The following WDR20 variants were observed in gnomAD, a reference collection of about 807,000 sequenced individuals.
WDR20 encodes WD repeat-containing protein 20.
A neutral mutation model predicts 38.7 loss-of-function variants in WDR20; 3 were observed. The ratio of observed to expected loss-of-function variants is 0.08; its 90% CI spans 0.04 to 0.20. The LOEUF is 0.20. Ranked by LOEUF, WDR20 falls within the 10% of genes least tolerant of loss-of-function variation. WDR20 has a pLI of 1.00. For missense variants in WDR20, 559 were observed against 727.7 expected (o/e 0.77, Z 2.67); for synonymous variants, 298 against 285.6 (o/e 1.04, Z -0.44).
At chr14:102,196,982 C>T (rs988800974) in intron 2 of WDR20, among the ~76,000 whole-genome samples, 1 of 152,140 alleles carries the variant, frequency 6.6e-6, no homozygotes, top group Non-Finnish European at 1.5e-5. Context: ...GTCAGAATGT[C>T]TAAGAGCAAG....
Position 102,209,445 on chromosome 14 carries a change from G to A in WDR20, c.1275G>A (p.Val425=), listed in dbSNP as rs756432705. 1.2e-6 allele frequency: 2 copies of A among 1,614,182 alleles called. No individual in the cohort carries two copies. Among genetic ancestry groups the A allele is most frequent in the South Asian group, 2.2e-5 (2 of 91,080 alleles). Residue 425 remains valine, a synonymous_variant, in exon 3 of 3, where the codon GTG becomes GTA. Transcript: ENST00000342702. The surrounding 1 kb of genome is among the most constrained non-coding windows in gnomAD (Gnocchi z 6.0). ...GNSVTTPGNS[V]PPPLPRSNSL... ...GTGTTACAACACCCGGGAACTCTGTGCCGCCTCCTCTGCCACGGTCCAACA... is the reference window on the plus strand; with the variant it reads ...GTGTTACAACACCCGGGAACTCTGTACCGCCTCCTCTGCCACGGTCCAACA...
chr14:102,139,829 A>G, upstream of WDR20: 1 of 1,530,086 alleles, frequency 6.5e-7, no homozygotes, highest in Non-Finnish European at 8.9e-7. Flanking sequence ...GAGAAGGAAG[A>G]GGCAGGGGGT....
chr14:102,208,506 G>GC lies in WDR20; in HGVS notation c.433-93dup. The GC allele has an allele frequency of 6.8e-7, 1 of 1,461,730 alleles. No homozygotes were observed. Among genetic ancestry groups the GC allele is most frequent in the Non-Finnish European group, 9.1e-7 (1 of 1,103,574 alleles). The allele number at this position is 1,461,730 out of a possible 1,614,324, so 90.5% of individuals were successfully genotyped here. On this transcript the variant is annotated intron_variant, in intron 2 of 2. Coordinates refer to ENST00000342702, the MANE Select transcript of WDR20 (RefSeq NM_144574.4). This position sits in a 1 kb window ranked among gnomAD's most constrained non-coding sequence, Gnocchi z 5.6. ...AAATGTGGAGGGCCTGGATAGACTTGCCCCTTCCCATCGAGAAGCACACAA... is the reference window on the plus strand; with the variant it reads ...AAATGTGGAGGGCCTGGATAGACTTGCCCCCTTCCCATCGAGAAGCACACAA...
chr14:102,224,036 G>GTTTTTTT (rs1184725386), downstream of WDR20, among the ~76,000 whole-genome samples: 1 of 139,442 alleles, frequency 7.2e-6, no homozygotes, highest in African/African-American at 2.7e-5. Flanking sequence ...GTTTACCTGA[G>GTTTTTTT]ATTTTTTTTT....
rs1031170449 is a variant in WDR20, at chr14:102,196,579, A to C, written c.432+1459A>C. Reference sequence around the variant, plus strand: ...GCCATGTAAGGGCTGTTAGTAAACAAGACCCGGAGGCAGCCCTGGCCGAGG... The same window carrying C: ...GCCATGTAAGGGCTGTTAGTAAACACGACCCGGAGGCAGCCCTGGCCGAGG... On this transcript the variant is annotated intron_variant, in intron 2 of 2. Transcript: ENST00000342702. Among the ~76,000 whole-genome samples the C allele has an allele frequency of 7.9e-5, 12 of 152,296 alleles. No homozygotes were observed. The East Asian group carries it at 2.1e-3, about 27-fold the overall frequency.
At chr14:102,185,706 A>G (rs368364748) in intron 1 of WDR20, among the ~76,000 whole-genome samples, 2 of 152,020 alleles carry the variant, frequency 1.3e-5, no homozygotes, top group East Asian at 3.9e-4. Flanking sequence ...GTTTGCTTTC[A>G]TGGATGGACA....
intron 1 of WDR20, among the ~76,000 whole-genome samples, chr14:102,146,823 C>G (rs2053824938): frequency 6.6e-6 from 1 of 152,166 alleles, no homozygotes; most frequent in Non-Finnish European, 1.5e-5. Context: ...CCTGGCTCCC[C>G]TTTTATAATT....
At chr14:102,161,316 ATTT>A (rs760892097) in intron 1 of WDR20, among the ~76,000 whole-genome samples, 1 of 132,592 alleles carries the variant, frequency 7.5e-6, no homozygotes. Context: ...ATGCTCAGCT[ATTT>A]TTTTTTTTTT....
chr14:102,158,605 A>G (rs960537734), intron 1 of WDR20, among the ~76,000 whole-genome samples: 4 of 152,022 alleles, frequency 2.6e-5, no homozygotes, highest in Non-Finnish European at 4.4e-5. Context: ...CTAGATGACA[A>G]TTTTACAACT....
intron 1 of WDR20, among the ~76,000 whole-genome samples, chr14:102,194,424 T>G (rs1424160596): frequency 6.6e-6 from 1 of 152,184 alleles, no homozygotes; most frequent in Non-Finnish European, 1.5e-5. Context: ...CTGATTCATT[T>G]AGTCTGGGGT....
chr14:102,215,624 C>T (rs192784199), downstream of WDR20, among the ~76,000 whole-genome samples: 474 of 152,238 alleles, frequency 3.1e-3, no homozygotes, highest in African/African-American at 0.011. Flanking sequence ...CTCCCCTTGC[C>T]CCCAGGTAGG....
Position 102,149,326 on chromosome 14 carries a change from C to T in WDR20, c.249+9154C>T, listed in dbSNP as rs867430665. ...GATTACAGATGTGAGCCATTGTTCC[C>T]GGCTGATTTTGTATTTATCATTATA... is the stretch of plus-strand genomic sequence containing the variant. On this transcript the variant is annotated intron_variant, in intron 1 of 2. Coordinates refer to ENST00000342702, the MANE Select transcript of WDR20 (RefSeq NM_144574.4). Among the ~76,000 whole-genome samples, 26 of 152,150 alleles carry T rather than the reference C, an allele frequency of 1.7e-4. No individual in the cohort carries two copies. In the East Asian group the frequency reaches 1.7e-3, roughly 10 times the overall value.
chr14:102,161,142 A>ATATATATATATTTT (rs1342924049), intron 1 of WDR20, among the ~76,000 whole-genome samples: 3 of 16,050 alleles, frequency 1.9e-4, no homozygotes, highest in Non-Finnish European at 2.9e-4. Flanking sequence ...ATATATATAT[A>ATATATATATATTTT]TTTTTTTTTT....
At chr14:102,149,846 C>G (rs2055104943) in intron 1 of WDR20, among the ~76,000 whole-genome samples, 1 of 152,126 alleles carries the variant, frequency 6.6e-6, no homozygotes, top group Admixed American at 6.5e-5. Context: ...GCACATGCCA[C>G]CACGCCCGGC....
chr14:102,194,399 C>T (rs760060265), intron 1 of WDR20, among the ~76,000 whole-genome samples: 10 of 152,304 alleles, frequency 6.6e-5, no homozygotes, highest in Middle Eastern at 3.4e-3. Flanking sequence ...CTTGCTGGCC[C>T]TACTCCCATA....
downstream of WDR20, among the ~76,000 whole-genome samples, chr14:102,217,414 C>CT (rs1427048338): frequency 6.6e-6 from 1 of 152,208 alleles, no homozygotes. Flanking sequence ...GAGTACAATC[C>CT]TTTTCTCTGG....
chr14:102,202,372 GTTTTTTTTTTTTTT>G (rs5811062), intron 2 of WDR20, among the ~76,000 whole-genome samples: 1 of 67,632 alleles, frequency 1.5e-5, no homozygotes, highest in Non-Finnish European at 2.5e-5. Context: ...CTGTATGGAG[GTTTTTTTTTTTTTT>G]TTTTTTTTTT....
intron 2 of WDR20, among the ~76,000 whole-genome samples, chr14:102,205,787 A>G (rs1287123148): frequency 6.6e-6 from 1 of 150,410 alleles, no homozygotes. Context: ...ACCACAATAC[A>G]GGTGGATCCA....
chr14:102,171,691 A>G (rs907912890), intron 1 of WDR20, among the ~76,000 whole-genome samples: 1 of 151,754 alleles, frequency 6.6e-6, no homozygotes, highest in African/African-American at 2.4e-5. Context: ...CAAAGATCTT[A>G]TCTTTCGTTG....
Sources: allele counts gnomAD v4.1 joint callset (sites outside exome capture counted in the v4.1 genomes callset), GRCh38; gene constraint gnomAD v4.1.1; non-coding constraint Gnocchi (gnomAD v3.1); transcripts MANE v1.5; gene names NCBI Gene and HGNC (gene_info 2026-07-23, HGNC 2026-07-21).